The following FHIT variants were observed in gnomAD, a reference collection of about 807,000 sequenced individuals.
The protein encoded by FHIT is fragile histidine triad diadenosine triphosphatase, also known as bis(5'-adenosyl)-triphosphatase.
A neutral mutation model predicts 17.9 loss-of-function variants in FHIT; 19 were observed. The observed-to-expected ratio is 1.06, with a 90% CI of 0.74 to 1.56. FHIT has a LOEUF of 1.56. Among genes scored for constraint, FHIT ranks in the 40% most tolerant of loss-of-function variants. The probability of loss-of-function intolerance (pLI) is 0.00; values close to 1 mark genes in which losing one functional copy is unlikely to be tolerated. For synonymous variants in FHIT, 81 were observed against 69.7 expected, an observed-to-expected ratio of 1.16 and a Z score of -0.81; for missense variants, 248 against 189.2, an observed-to-expected ratio of 1.31 and a Z score of -1.82.
intron 4 of FHIT, among the ~76,000 whole-genome samples, chr3:60,803,974 G>A (rs1023456532): frequency 1.9e-4 from 29 of 152,190 alleles, no homozygotes; most frequent in Non-Finnish European, 3.8e-4. Context: ...TGGCACCCCA[G>A]GGGCTGGCAT....
intron 2 of FHIT, among the ~76,000 whole-genome samples, chr3:61,098,840 A>C (rs1368014503): frequency 1.3e-5 from 2 of 152,198 alleles, no homozygotes; most frequent in African/African-American, 2.4e-5. Context: ...TAAGCTTAAG[A>C]AGCTTTTAGG....
Position 60,001,665 on chromosome 3 carries a change from G to A in FHIT, c.279+9706C>T, listed in dbSNP as rs533950666. 1.9e-4 allele frequency among the ~76,000 whole-genome samples: 29 copies of A among 152,254 alleles called. No homozygotes were observed. In the South Asian group the frequency reaches 6.0e-3, roughly 32 times the overall value. Reference sequence around the variant, plus strand: ...GATTAACTGTCAAGTAGTGGATGATGCTAATGACTTTTAAGGTCACTTGCT... The same window carrying A: ...GATTAACTGTCAAGTAGTGGATGATACTAATGACTTTTAAGGTCACTTGCT... On this transcript the variant is annotated intron_variant, in intron 7 of 9. Transcript: ENST00000492590.
intron 4 of FHIT, among the ~76,000 whole-genome samples, chr3:60,614,157 T>C (rs1158084501): frequency 6.7e-6 from 1 of 150,110 alleles, no homozygotes; most frequent in Admixed American, 6.6e-5. Flanking sequence ...AGAATGAGAG[T>C]AAAAACCAAA....
intron 5 of FHIT, among the ~76,000 whole-genome samples, chr3:60,047,514 A>C (rs187492873): frequency 1.1e-4 from 17 of 152,352 alleles, no homozygotes; most frequent in African/African-American, 1.4e-4. Flanking sequence ...ACCAGACAAC[A>C]GTCTTTAACG....
At position 60,526,461 on chromosome 3, in the gene FHIT, A is replaced by G. The variant is rs958800258; in HGVS notation, c.103+10399T>C. ...GCCTCCTACTCGGACATTCATGGTC[A>G]TTTACAGGAACCGGGGGACCTGCTG... On this transcript the variant is annotated intron_variant, in intron 5 of 9. Coordinates refer to ENST00000492590, the MANE Select transcript of FHIT (RefSeq NM_002012.4). Among the ~76,000 whole-genome samples, 5 of 152,216 alleles carry G rather than the reference A, an allele frequency of 3.3e-5. No homozygotes were observed. In the East Asian group the frequency reaches 9.7e-4, roughly 29 times the overall value.
intron 5 of FHIT, among the ~76,000 whole-genome samples, chr3:60,110,219 G>C (rs1704612104): frequency 2.0e-5 from 3 of 152,124 alleles, no homozygotes; most frequent in Admixed American, 6.5e-5. Flanking sequence ...GAATTTTTGG[G>C]TTAAGCATCA....
In FHIT at chr3:60,245,955, A is replaced by G. The variant is rs115245645; in HGVS notation, c.104-231803T>C. Among the ~76,000 whole-genome samples the G allele has an allele frequency of 1.9e-3, 293 of 152,272 alleles. 6 individuals are homozygous for G. Among genetic ancestry groups the G allele is most frequent in the Non-Finnish European group, 3.3e-3 (226 of 67,998 alleles). Reference sequence around the variant, plus strand: ...TAAATTCATTTTTATACAATGAATAATTGTAAAATCAAAAGATATAAAAAA... The same window carrying G: ...TAAATTCATTTTTATACAATGAATAGTTGTAAAATCAAAAGATATAAAAAA... On this transcript the variant is annotated intron_variant, in intron 5 of 9. Coordinates refer to ENST00000492590, the MANE Select transcript of FHIT (RefSeq NM_002012.4).
At chr3:60,111,482 C>G (rs1704667595) in intron 5 of FHIT, among the ~76,000 whole-genome samples, 1 of 152,150 alleles carries the variant, frequency 6.6e-6, no homozygotes, top group Non-Finnish European at 1.5e-5. Flanking sequence ...TGATGCCAAC[C>G]CATGCAGATT....
chr3:59,946,707 G>C (rs1441434478), intron 7 of FHIT, among the ~76,000 whole-genome samples: 1 of 152,054 alleles, frequency 6.6e-6, no homozygotes, highest in East Asian at 1.9e-4. Context: ...AGTTTGTTGA[G>C]GATTTTTAAC....
Position 61,136,496 on chromosome 3 carries a change from CTA to C in FHIT, c.-164+64119_-164+64120del, listed in dbSNP as rs533273594. 1.9e-4 allele frequency among the ~76,000 whole-genome samples: 29 copies of C among 152,018 alleles called. No homozygotes were observed. In the South Asian group the frequency reaches 5.6e-3, roughly 29 times the overall value. ...AACACAGAATCAGAGGAAAATGTGG[CTA>C]TGTTTTAGTCACAGAGTACTTACAA... On this transcript the variant is annotated intron_variant, in intron 2 of 9. Coordinates refer to ENST00000492590, the MANE Select transcript of FHIT (RefSeq NM_002012.4).
chr3:60,384,875 A>G (rs1020156170), intron 5 of FHIT, among the ~76,000 whole-genome samples: 2 of 152,106 alleles, frequency 1.3e-5, no homozygotes, highest in African/African-American at 4.8e-5. Context: ...TCATTTATAT[A>G]AAAACCTATT....
At chr3:60,547,126 C>T (rs1199569731) in intron 4 of FHIT, among the ~76,000 whole-genome samples, 2 of 152,158 alleles carry the variant, frequency 1.3e-5, no homozygotes, top group Non-Finnish European at 2.9e-5. Context: ...TTTCCTTTCA[C>T]ATAAAAATGG....
intron 5 of FHIT, among the ~76,000 whole-genome samples, chr3:60,282,782 A>C (rs1422185320): frequency 6.6e-6 from 1 of 152,128 alleles, no homozygotes; most frequent in East Asian, 1.9e-4. Context: ...AAGTATTTTA[A>C]TTTTATTTTA....
At chr3:59,989,605 A>G (rs570973782) in intron 7 of FHIT, among the ~76,000 whole-genome samples, 1 of 152,138 alleles carries the variant, frequency 6.6e-6, no homozygotes, top group South Asian at 2.1e-4. Flanking sequence ...AAACAATCAC[A>G]TTCTACAATC....
intron 3 of FHIT, among the ~76,000 whole-genome samples, chr3:60,852,656 T>C (rs1703198871): frequency 6.6e-6 from 1 of 152,038 alleles, no homozygotes; most frequent in South Asian, 2.1e-4. Context: ...AAATTTAATG[T>C]ATCAAGAAAG....
At chr3:60,837,581 T>C (rs1702581188) in intron 3 of FHIT, among the ~76,000 whole-genome samples, 1 of 152,156 alleles carries the variant, frequency 6.6e-6, no homozygotes, top group African/African-American at 2.4e-5. Flanking sequence ...TTATAAGTGG[T>C]ATATTTAGAC....
intron 7 of FHIT, among the ~76,000 whole-genome samples, chr3:59,991,276 A>G (rs1157568627): frequency 6.6e-6 from 1 of 152,100 alleles, no homozygotes; most frequent in African/African-American, 2.4e-5. Flanking sequence ...CAGTAAACCC[A>G]ATACCATATA....
intron 2 of FHIT, among the ~76,000 whole-genome samples, chr3:61,155,314 T>TA (rs1191261278): frequency 6.6e-6 from 1 of 152,120 alleles, no homozygotes; most frequent in Admixed American, 6.5e-5. Flanking sequence ...GCTACAGCCC[T>TA]AAAAAAACAG....
At position 60,303,776 on chromosome 3, in the gene FHIT, T is replaced by A. The variant is rs138748314; in HGVS notation, c.103+233084A>T. On this transcript the variant is annotated intron_variant, in intron 5 of 9. Coordinates refer to ENST00000492590, the MANE Select transcript of FHIT (RefSeq NM_002012.4). ...TTGCAAGGATGAGAAATACTCCCAGTTGGTTAAGCCACTGTGATTTTCATA... is the reference window on the plus strand; with the variant it reads ...TTGCAAGGATGAGAAATACTCCCAGATGGTTAAGCCACTGTGATTTTCATA... Among the ~76,000 whole-genome samples the A allele has an allele frequency of 7.9e-5, 12 of 152,268 alleles. No individual in the cohort carries two copies. The East Asian group carries it at 2.1e-3, about 27-fold the overall frequency.
Sources: gnomAD v4.1 joint callset for allele counts (sites outside exome capture counted in the v4.1 genomes callset) on GRCh38, gnomAD v4.1.1 for gene constraint, MANE v1.5 for transcripts, NCBI Gene and HGNC (gene_info 2026-07-23, HGNC 2026-07-21) for gene names.